The following PDZD8 variants were observed in gnomAD, a reference collection of about 807,000 sequenced individuals.
The protein encoded by PDZD8 is PDZ domain-containing protein 8.
A neutral mutation model predicts 85.8 loss-of-function variants in PDZD8; 14 were observed. The ratio of observed to expected loss-of-function variants is 0.16; its 90% CI spans 0.11 to 0.26. PDZD8 has a LOEUF of 0.26. Among genes scored for constraint, PDZD8 ranks in the 10% least tolerant of loss-of-function variants. The pLI is 1.00. For missense variants in PDZD8, 1,197 were observed against 1,424.3 expected (o/e 0.84, Z 2.57); for synonymous variants, 592 against 568.6 (o/e 1.04, Z -0.59).
intron 3 of PDZD8, among the ~76,000 whole-genome samples, chr10:117,313,199 G>A (rs1049045494): frequency 2.6e-5 from 4 of 152,086 alleles, no homozygotes; most frequent in Admixed American, 1.3e-4. Context: ...GTACCCACTA[G>A]TCACATGCTT....
At chr10:117,291,180 T>C (rs1465187970) in intron 3 of PDZD8, among the ~76,000 whole-genome samples, 1 of 151,934 alleles carries the variant, frequency 6.6e-6, no homozygotes, top group Non-Finnish European at 1.5e-5. Flanking sequence ...GGCCAGTGTA[T>C]TCTTCAAGTT....
At chr10:117,341,867 C>T (rs1472629848) in intron 1 of PDZD8, among the ~76,000 whole-genome samples, 2 of 152,174 alleles carry the variant, frequency 1.3e-5, no homozygotes, top group African/African-American at 4.8e-5. Flanking sequence ...ATAGCAACAT[C>T]AATAACAATT....
intron 1 of PDZD8, among the ~76,000 whole-genome samples, chr10:117,347,192 C>T (rs547249900): frequency 5.3e-5 from 8 of 151,998 alleles, no homozygotes; most frequent in African/African-American, 1.2e-4. Context: ...CATTATACCC[C>T]GCCAGCATTA....
chr10:117,355,153 CTATATTCACCAAGGTTAGTACTGCTG>C, intron 1 of PDZD8, among the ~76,000 whole-genome samples: 2 of 152,284 alleles, frequency 1.3e-5, no homozygotes, highest in Middle Eastern at 6.8e-3. Flanking sequence ...CAAGGCTCCT[CTATATTCACCAAGGTTAGTACTGCTG>C]TATTATTTCT....
intron 1 of PDZD8, among the ~76,000 whole-genome samples, chr10:117,363,941 T>G (rs567507579): frequency 5.9e-5 from 9 of 152,340 alleles, no homozygotes; most frequent in African/African-American, 2.2e-4. Flanking sequence ...AAAGCAAGTT[T>G]GTTATTCTAT....
chr10:117,368,660 G>C (rs921368711), intron 1 of PDZD8, among the ~76,000 whole-genome samples: 10 of 152,016 alleles, frequency 6.6e-5, no homozygotes, highest in African/African-American at 2.2e-4. Context: ...CCTTTTTGGA[G>C]ATCAGTGAAG....
chr10:117,319,004 A>G (rs1844179163), intron 2 of PDZD8, 30 bp from the exon 3 acceptor site: 3 of 1,411,130 alleles, frequency 2.1e-6, no homozygotes, highest in Non-Finnish European at 1.0e-6. Context: ...AAGGGAGAGT[A>G]TCATACCTGT....
chr10:117,366,520 A>G (rs1845092759), intron 1 of PDZD8, among the ~76,000 whole-genome samples: 1 of 152,070 alleles, frequency 6.6e-6, no homozygotes, highest in Non-Finnish European at 1.5e-5. Flanking sequence ...GTAAAAGGCC[A>G]GATAGTATTT....
intron 3 of PDZD8, among the ~76,000 whole-genome samples, chr10:117,305,938 G>C (rs894617534): frequency 6.6e-6 from 1 of 152,108 alleles, no homozygotes; most frequent in African/African-American, 2.4e-5. Flanking sequence ...TTTAGCCCCT[G>C]TGAGTCTTAA....
At chr10:117,342,545 T>C (rs1844634619) in intron 1 of PDZD8, among the ~76,000 whole-genome samples, 1 of 152,250 alleles carries the variant, frequency 6.6e-6, no homozygotes, top group African/African-American at 2.4e-5. Flanking sequence ...TGGCACGATC[T>C]TGGCTCACTG....
chr10:117,315,420 C>A (rs1844106664), intron 3 of PDZD8, among the ~76,000 whole-genome samples: 1 of 151,660 alleles, frequency 6.6e-6, no homozygotes, highest in African/African-American at 2.4e-5. Context: ...CATGGTGAAA[C>A]CCTGTCTCTA....
rs2133751557 is a variant in PDZD8, at chr10:117,278,247, G to A, written c.*5021C>T. 6.6e-6 allele frequency: 1 copy of A among 152,232 alleles called. No homozygotes were observed. Among genetic ancestry groups the A allele is most frequent in the South Asian group, 2.1e-4 (1 of 4,830 alleles). 9.4% of individuals were successfully genotyped at this position (152,232 alleles called of 1,614,324 possible). ...TTTTCTAGGAATATATTTATTTTAG[G>A]TTGTCTGAAACTACTATTTTTTAGA... On this transcript the variant is annotated 3_prime_UTR_variant, in exon 5 of 5. Transcript: ENST00000334464.
At chr10:117,330,348 T>C (rs1844400583) in intron 2 of PDZD8, among the ~76,000 whole-genome samples, 3 of 152,300 alleles carry the variant, frequency 2.0e-5, no homozygotes, top group East Asian at 1.9e-4. Context: ...AATCTAACCA[T>C]GCCTTACTAC....
chr10:117,347,173 G>T (rs778577131), intron 1 of PDZD8, among the ~76,000 whole-genome samples: 31 of 151,660 alleles, frequency 2.0e-4, no homozygotes, highest in Non-Finnish European at 3.2e-4. Flanking sequence ...ACAGATGCGG[G>T]ACAGGCCTCA....
chr10:117,278,688 C>G lies in PDZD8; in HGVS notation c.*4580G>C, dbSNP rs568666691. 1.3e-5 allele frequency: 2 copies of G among 152,340 alleles called. No homozygotes were observed. Among genetic ancestry groups the G allele is most frequent in the African/African-American group, 2.4e-5 (1 of 41,572 alleles). The allele number at this position is 152,340 out of a possible 1,614,324, so 9.4% of individuals were successfully genotyped here. Reference sequence around the variant, plus strand: ...CATCAAGGAGCAAAGAACTTTAGAACAGACTCCTCAATCTTGTGACTTTCT... The same window carrying G: ...CATCAAGGAGCAAAGAACTTTAGAAGAGACTCCTCAATCTTGTGACTTTCT... On this transcript the variant is annotated 3_prime_UTR_variant, in exon 5 of 5. Transcript: ENST00000334464.
At chr10:117,327,215 A>C (rs1194986960) in intron 2 of PDZD8, among the ~76,000 whole-genome samples, 1 of 152,178 alleles carries the variant, frequency 6.6e-6, no homozygotes, top group Admixed American at 6.5e-5. Context: ...AAGTAGCACT[A>C]ATGCCCTAAG....
At chr10:117,299,013 A>G (rs1467302373) in intron 3 of PDZD8, among the ~76,000 whole-genome samples, 1 of 152,114 alleles carries the variant, frequency 6.6e-6, no homozygotes, top group East Asian at 1.9e-4. Flanking sequence ...AGCCCTCCAT[A>G]TCCATCACAG....
chr10:117,277,314 G>T lies in PDZD8; in HGVS notation c.*5954C>A. ...AAAGTGTTTAATTGTATAAAACAGT[G>T]TTTCCAGTGACACAACTCATCCAGA... On this transcript the variant is annotated 3_prime_UTR_variant, in exon 5 of 5. Coordinates refer to ENST00000334464, the MANE Select transcript of PDZD8 (RefSeq NM_173791.5). 5 of 1,189,366 alleles carry T rather than the reference G, an allele frequency of 4.2e-6. No homozygotes were observed. Among genetic ancestry groups the T allele is most frequent in the Non-Finnish European group, 6.2e-6 (5 of 811,950 alleles). 73.7% of individuals were successfully genotyped at this position (1,189,366 alleles called of 1,614,324 possible). A position where few individuals can be genotyped will look rare whatever the true frequency, so the allele number is the denominator to read the frequency against.
chr10:117,311,547 C>T (rs1844036723), intron 3 of PDZD8, among the ~76,000 whole-genome samples: 1 of 152,104 alleles, frequency 6.6e-6, no homozygotes, highest in Non-Finnish European at 1.5e-5. Flanking sequence ...GGAGACAATA[C>T]TGATCACATT....
Sources: allele counts gnomAD v4.1 joint callset (sites outside exome capture counted in the v4.1 genomes callset), GRCh38; gene constraint gnomAD v4.1.1; transcripts MANE v1.5; gene names NCBI Gene and HGNC (gene_info 2026-07-23, HGNC 2026-07-21).